The following PDE4D variants were observed in gnomAD, a reference collection of about 807,000 sequenced individuals.
PDE4D encodes 3',5'-cyclic-AMP phosphodiesterase 4D.
PDE4D carries 24 observed loss-of-function variants against 87.4 expected under a neutral mutation model. That is an observed-to-expected ratio of 0.27 (90% CI 0.20 to 0.39). The LOEUF is 0.39. PDE4D is among the 10% of genes least tolerant of loss of function. The probability of loss-of-function intolerance (pLI) is 1.00; values close to 1 mark genes in which losing one functional copy is unlikely to be tolerated. For synonymous variants in PDE4D, 384 were observed against 383.2 expected (o/e 1.00, Z -0.02); for missense variants, 714 against 1,041.0 (o/e 0.69, Z 4.32).
At chr5:60,505,765 CAGTT>C (rs1221962217) in intron 1 of PDE4D, among the ~76,000 whole-genome samples, 8 of 152,232 alleles carry the variant, frequency 5.3e-5, no homozygotes, top group Admixed American at 3.9e-4. Context: ...ATTTCTGACT[CAGTT>C]AGAGGGTCTC....
chr5:59,679,614 A>G (rs1748679871), intron 1 of PDE4D, among the ~76,000 whole-genome samples: 1 of 152,190 alleles, frequency 6.6e-6, no homozygotes, highest in Non-Finnish European at 1.5e-5. Context: ...TAAGTAATGT[A>G]TGAGAAAGAT....
chr5:59,461,421 T>C (rs180724830), intron 1 of PDE4D, among the ~76,000 whole-genome samples: 22 of 152,228 alleles, frequency 1.4e-4, no homozygotes, highest in Admixed American at 8.5e-4. Context: ...AAAAATTAAA[T>C]CAGGTTCTCT....
In PDE4D at chr5:59,276,122, G is replaced by GAAAAAAA. The variant is rs56153175; in HGVS notation, c.456-60161_456-60155dup. On this transcript the variant is annotated intron_variant, in intron 1 of 14. Coordinates refer to ENST00000340635, the MANE Select transcript of PDE4D (RefSeq NM_001104631.2). ...AAAACACCGCAGGGCAGTGAGAAAG[G>GAAAAAAA]AAAAAAAAAAAAAAAAAAAAAGAAA... The GAAAAAAA allele has an allele frequency of 3.5e-5, 30 of 854,518 alleles. 1 individual carries two copies. Among genetic ancestry groups the GAAAAAAA allele is most frequent in the Admixed American group, 1.8e-4 (2 of 10,906 alleles). 52.9% of individuals were successfully genotyped at this position (854,518 alleles called of 1,614,324 possible).
intron 1 of PDE4D, chr5:59,703,551 A>G: frequency 1.9e-6 from 1 of 533,868 alleles, no homozygotes; most frequent in South Asian, 1.4e-5. Flanking sequence ...TTCCCTTTGC[A>G]TATTGAAGGG....
At chr5:59,805,623 T>C (rs1211899667) in intron 1 of PDE4D, among the ~76,000 whole-genome samples, 2 of 152,216 alleles carry the variant, frequency 1.3e-5, no homozygotes, top group African/African-American at 2.4e-5. Flanking sequence ...GTGTTGGATG[T>C]TGGGGTACTG....
At chr5:58,991,453 C>A in intron 8 of PDE4D, among the ~76,000 whole-genome samples, 1 of 152,154 alleles carries the variant, frequency 6.6e-6, no homozygotes, top group Admixed American at 6.5e-5. Context: ...TATGGCTTAA[C>A]CTTGTGACTT....
At chr5:59,315,963 G>C (rs549478010) in intron 1 of PDE4D, among the ~76,000 whole-genome samples, 6 of 152,130 alleles carry the variant, frequency 3.9e-5, no homozygotes, top group Non-Finnish European at 8.8e-5. Context: ...AATCAGGCGG[G>C]ACACTCAATC....
chr5:59,332,525 G>C (rs542709373), intron 1 of PDE4D, among the ~76,000 whole-genome samples: 74 of 152,206 alleles, frequency 4.9e-4, no homozygotes, highest in African/African-American at 1.8e-3. Context: ...AAAAATCTTA[G>C]TTCTTCTCCA....
At chr5:59,882,359 A>G (rs1304725618) in intron 1 of PDE4D, among the ~76,000 whole-genome samples, 5 of 152,360 alleles carry the variant, frequency 3.3e-5, no homozygotes, top group Admixed American at 1.3e-4. Flanking sequence ...ATTGAGTGGT[A>G]GTAAAATAAA....
chr5:59,643,516 C>A (rs1405170387), intron 1 of PDE4D, among the ~76,000 whole-genome samples: 4 of 152,120 alleles, frequency 2.6e-5, no homozygotes, highest in African/African-American at 9.6e-5. Flanking sequence ...GATGTGTATA[C>A]CTATATCAAA....
intron 1 of PDE4D, among the ~76,000 whole-genome samples, chr5:59,549,506 A>C (rs1468019763): frequency 6.6e-6 from 1 of 152,202 alleles, no homozygotes; most frequent in African/African-American, 2.4e-5. Context: ...AATCTCTTAT[A>C]GTTTCTCAAT....
At chr5:60,131,415 G>C (rs566232869) in intron 2 of PDE4D, among the ~76,000 whole-genome samples, 1 of 152,314 alleles carries the variant, frequency 6.6e-6, no homozygotes, top group Non-Finnish European at 1.5e-5. Flanking sequence ...ATAACAGTCT[G>C]TTGCGATATC....
intron 3 of PDE4D, among the ~76,000 whole-genome samples, chr5:59,937,321 C>T (rs373881193): frequency 3.9e-5 from 6 of 152,074 alleles, no homozygotes; most frequent in South Asian, 4.1e-4. Flanking sequence ...ATAATATAAA[C>T]TAACATATAT....
chr5:59,575,920 T>A (rs6875906), intron 1 of PDE4D, among the ~76,000 whole-genome samples: 39 of 152,214 alleles, frequency 2.6e-4, no homozygotes, highest in African/African-American at 8.9e-4. Flanking sequence ...GTATAAATTA[T>A]CCCTCATAAT....
chr5:60,504,554 C>T (rs1250668237), intron 1 of PDE4D, among the ~76,000 whole-genome samples: 1 of 152,098 alleles, frequency 6.6e-6, no homozygotes, highest in South Asian at 2.1e-4. Context: ...ACAGCCTCTG[C>T]TACACTAAAA....
chr5:60,234,129 G>A (rs761945989), intron 1 of PDE4D, among the ~76,000 whole-genome samples: 23 of 151,638 alleles, frequency 1.5e-4, no homozygotes, highest in South Asian at 4.2e-4. Context: ...CCCAGCTGTC[G>A]GAAGACACTA....
intron 1 of PDE4D, chr5:59,558,594 T>C (rs1301966532): frequency 6.6e-6 from 1 of 151,950 alleles, no homozygotes; most frequent in Non-Finnish European, 1.5e-5. Context: ...TTGAAACAAA[T>C]AGAGAAAAGT....
chr5:60,026,279 T>G (rs1243159681), intron 2 of PDE4D, among the ~76,000 whole-genome samples: 3 of 152,112 alleles, frequency 2.0e-5, no homozygotes, highest in Non-Finnish European at 4.4e-5. Context: ...GACTAGAGAC[T>G]CTTTTAGTCC....
chr5:59,971,394 G>A (rs984946049), intron 3 of PDE4D, among the ~76,000 whole-genome samples: 3 of 94,468 alleles, frequency 3.2e-5, no homozygotes, highest in African/African-American at 9.4e-5. Flanking sequence ...AAGAGAGAGA[G>A]ACAAAGAGAG....
Sources: allele counts gnomAD v4.1 joint callset (sites outside exome capture counted in the v4.1 genomes callset), GRCh38; gene constraint gnomAD v4.1.1; transcripts MANE v1.5; gene names NCBI Gene and HGNC (gene_info 2026-07-23, HGNC 2026-07-21).